Variants in NUP188 observed in about 807,000 individuals in gnomAD.
The protein encoded by NUP188 is nucleoporin 188.
Under a neutral mutation model 223.0 loss-of-function variants are expected in NUP188, and 97 were observed. The observed-to-expected ratio is 0.43, with a 90% CI of 0.37 to 0.51. NUP188 has a LOEUF of 0.51. Among genes scored for constraint, NUP188 ranks in the 20% least tolerant of loss-of-function variants. The pLI is 0.00. For missense variants in NUP188, 1,947 were observed against 2,175.6 expected (o/e 0.89, Z 2.09); for synonymous variants, 869 against 828.0 (o/e 1.05, Z -0.85).
chr9:129,001,500 C>A, intron 34 of NUP188, 29 bp from the exon 35 acceptor site: 2 of 1,603,340 alleles, frequency 1.2e-6, no homozygotes, highest in South Asian at 2.2e-5. Context: ...TTCTTCTTCC[C>A]CCTTTTACTC....
chr9:128,960,801 T>C (rs889175765), intron 8 of NUP188, among the ~76,000 whole-genome samples: 2 of 151,312 alleles, frequency 1.3e-5, no homozygotes, highest in Non-Finnish European at 2.9e-5. Flanking sequence ...AATACAAAAA[T>C]TGGTGGGGCA....
chr9:128,962,393 C>T (rs370365518), intron 8 of NUP188, among the ~76,000 whole-genome samples: 8 of 152,068 alleles, frequency 5.3e-5, no homozygotes, highest in East Asian at 1.9e-4. Context: ...GGACTGCAGG[C>T]GCCCACCACC....
rs527823709 is a variant in NUP188 at position 128,983,144 on chromosome 9, G to A, written c.1796+116G>A. On this transcript the variant is annotated intron_variant, in intron 17 of 43. Coordinates refer to ENST00000372577, the MANE Select transcript of NUP188 (RefSeq NM_015354.3). ...GGTTAAAGTTCGCGCATATTCCTTG[G>A]TTTTCCTGTTTTTATATCTGTGAGG... is the stretch of plus-strand genomic sequence containing the variant. 134 of 1,464,162 alleles carry A rather than the reference G, an allele frequency of 9.2e-5. 1 individual carries two copies. The South Asian group carries it at 1.3e-3, about 14-fold the overall frequency. 90.7% of individuals were successfully genotyped at this position (1,464,162 alleles called of 1,614,324 possible). A position where few individuals can be genotyped will look rare whatever the true frequency, so the allele number is the denominator to read the frequency against.
In NUP188 at chr9:128,968,556, C is replaced by T; in HGVS notation, c.636C>T (p.Ser212=). The T allele has an allele frequency of 6.2e-7, 1 of 1,614,188 alleles. No homozygotes were observed. The highest frequency in any genetic ancestry group is 1.1e-5 in the South Asian group (1 of 91,086). ...TTGTTCAGTGCCTTCGGGAACAGTCCATGCTGCTAGAAATTATTTTCCTTT... is the reference window on the plus strand; with the variant it reads ...TTGTTCAGTGCCTTCGGGAACAGTCTATGCTGCTAGAAATTATTTTCCTTT... The part of the protein sequence containing the change: ...RWFVQCLREQ[S]MLLEIIFLYY... The change falls in exon 9 of 44, where the codon TCC becomes TCT. Residue 212 remains serine (S), a synonymous_variant. Transcript: ENST00000372577.
rs368532368 is a variant in NUP188, at chr9:128,986,628, C to T, written c.2147C>T (p.Pro716Leu). 1 of 1,614,034 alleles carries T rather than the reference C, an allele frequency of 6.2e-7. No homozygotes were observed. The highest frequency in any genetic ancestry group is 1.3e-5 in the African/African-American group (1 of 74,898). ...CVMFVLKEML[P>L]SYHKWRYNSH... ...ATGTTTGTGCTGAAGGAGATGCTTC[C>T]CAGCTACCATAAGTGGCGCTACAAC... The change falls in exon 21 of 44, where the codon CCC becomes CTC. Residue 716 changes from proline to leucine, a missense_variant. By Grantham distance (98) the Pro-to-Leu change is moderately conservative. This residue lies in a region of NUP188 where 225 missense variants were observed against 319.1 expected (regional missense o/e 0.71). Coordinates refer to ENST00000372577, the MANE Select transcript of NUP188 (RefSeq NM_015354.3).
At chr9:128,987,795 C>CT in intron 23 of NUP188, 78 bp downstream of exon 23, 5 of 1,534,522 alleles carry the variant, frequency 3.3e-6, no homozygotes, top group Non-Finnish European at 4.4e-6. Flanking sequence ...TTTAAGTTAA[C>CT]TTGCAGTAGC....
chr9:128,973,733 CAG>C (rs1842134116), intron 12 of NUP188, among the ~76,000 whole-genome samples: 4 of 152,070 alleles, frequency 2.6e-5, no homozygotes, highest in Non-Finnish European at 5.9e-5. Flanking sequence ...GTAGAAAAAA[CAG>C]AAAATGCTGT....
Position 128,959,120 on chromosome 9 carries a change from C to T in NUP188, c.571C>T (p.His191Tyr), listed in dbSNP as rs1223777054. ...YKTEAPTWETHGNLMTERQVS... is the reference protein window; with the variant it reads ...YKTEAPTWETYGNLMTERQVS... Reference sequence around the variant, plus strand: ...AACTGAAGCACCAACTTGGGAGACACATGGAAATCTCATGGTATGTGGTTA... The same window carrying T: ...AACTGAAGCACCAACTTGGGAGACATATGGAAATCTCATGGTATGTGGTTA... The change falls in exon 8 of 44, where the codon CAT becomes TAT. Residue 191 changes from histidine (H) to tyrosine (Y), a missense_variant. Coordinates refer to ENST00000372577, the MANE Select transcript of NUP188 (RefSeq NM_015354.3). The T allele has an allele frequency of 6.3e-7, 1 of 1,596,196 alleles. No homozygotes were observed. Among genetic ancestry groups the T allele is most frequent in the Non-Finnish European group, 8.5e-7 (1 of 1,171,576 alleles).
chr9:128,986,184 A>G (rs1358969732), intron 20 of NUP188, among the ~76,000 whole-genome samples: 1 of 152,134 alleles, frequency 6.6e-6, no homozygotes, highest in Non-Finnish European at 1.5e-5. Flanking sequence ...TCTCCTTTCT[A>G]GTATTTCAGT....
At position 129,006,634 on chromosome 9, in the gene NUP188, C is replaced by T; in HGVS notation, c.5206C>T (p.Leu1736=). The T allele has an allele frequency of 1.2e-6, 2 of 1,614,186 alleles. No homozygotes were observed. The highest frequency in any genetic ancestry group is 1.7e-6 in the Non-Finnish European group (2 of 1,180,030). ...SKASPESQEP[L]IQLVQAFVRH... ...AGCCAGCCCTGAGAGTCAGGAGCCT[C>T]TGATCCAGTTGGTGCAGGCGTTTGT... Residue 1736 remains leucine (L), a synonymous_variant, in exon 44 of 44, where the codon CTG becomes TTG. Coordinates refer to ENST00000372577, the MANE Select transcript of NUP188 (RefSeq NM_015354.3).
chr9:128,989,011 TC>T (rs1842378924), intron 24 of NUP188, among the ~76,000 whole-genome samples: 1 of 152,106 alleles, frequency 6.6e-6, no homozygotes, highest in Non-Finnish European at 1.5e-5. Context: ...CTCTTTGGCC[TC>T]CCAAAGTGCT....
At chr9:128,999,083 C>T in intron 32 of NUP188, 89 bp from the exon 33 acceptor site, 1 of 1,034,808 alleles carries the variant, frequency 9.7e-7, no homozygotes, top group Admixed American at 1.9e-5. Flanking sequence ...GAACTCCTGA[C>T]CTCAGGTGAT....
At chr9:128,981,690 A>G (rs762248879) in intron 15 of NUP188, among the ~76,000 whole-genome samples, 3 of 152,190 alleles carry the variant, frequency 2.0e-5, no homozygotes, top group Admixed American at 6.5e-5. Flanking sequence ...CCAGTCATCT[A>G]GGCACTAACA....
At position 128,966,566 on chromosome 9, in the gene NUP188, G is replaced by A. The variant is rs1842034041; in HGVS notation, c.586-1940G>A. On this transcript the variant is annotated intron_variant, in intron 8 of 43. Coordinates refer to ENST00000372577, the MANE Select transcript of NUP188 (RefSeq NM_015354.3). ...TTGCCCAGGCTAGTCTTGGACTCCC[G>A]GGCTGAAGGGATCTGACCACCTTGG... Among the ~76,000 whole-genome samples, 3 of 152,092 alleles carry A rather than the reference G, an allele frequency of 2.0e-5. No individual in the cohort carries two copies. The South Asian group carries it at 6.2e-4, about 32-fold the overall frequency.
chr9:128,994,580 C>T, intron 28 of NUP188, 138 bp downstream of exon 28: 1 of 733,404 alleles, frequency 1.4e-6, no homozygotes, highest in Non-Finnish European at 2.4e-6. Context: ...ACGTCTTTCT[C>T]AGGGAAGTGC....
intron 1 of NUP188, 168 bp from the exon 2 acceptor site, chr9:128,949,021 G>A (rs1588264943): frequency 1.7e-5 from 9 of 532,816 alleles, no homozygotes; most frequent in African/African-American, 3.9e-5. Context: ...CACCGTGCCC[G>A]GCCCTAACAA....
At chr9:128,968,255 A>G (rs1842058580) in intron 8 of NUP188, among the ~76,000 whole-genome samples, 1 of 151,932 alleles carries the variant, frequency 6.6e-6, no homozygotes, top group South Asian at 2.1e-4. Context: ...TTAAAAAAAA[A>G]GCAAAAAATC....
chr9:128,970,752 C>A lies in NUP188; in HGVS notation c.913-6C>A. ...GAGATGTAGATGTGTTTTCTTCTCTCACTAGGATATGGACTGTTTAATGTT... is the reference window on the plus strand; with the variant it reads ...GAGATGTAGATGTGTTTTCTTCTCTAACTAGGATATGGACTGTTTAATGTT... On this transcript the variant is annotated splice_polypyrimidine_tract_variant and splice_region_variant and intron_variant, in intron 10 of 43. Transcript: ENST00000372577. 6.2e-7 allele frequency: 1 copy of A among 1,613,292 alleles called. No individual in the cohort carries two copies. The highest frequency in any genetic ancestry group is 1.1e-5 in the South Asian group (1 of 91,038).
chr9:128,981,811 AC>A (rs1195257836), intron 15 of NUP188, among the ~76,000 whole-genome samples: 1 of 152,138 alleles, frequency 6.6e-6, no homozygotes, highest in African/African-American at 2.4e-5. Flanking sequence ...GTAGTGGCTC[AC>A]GCCTGTAATC....
Sources: gnomAD v4.1 joint callset for allele counts (sites outside exome capture counted in the v4.1 genomes callset) on GRCh38, gnomAD v4.1.1 for gene constraint, gnomAD v4.1.1 regional missense constraint, MANE v1.5 for transcripts, NCBI Gene and HGNC (gene_info 2026-07-23, HGNC 2026-07-21) for gene names.